The following DNAH14 variants were observed in gnomAD, a reference collection of about 807,000 sequenced individuals.
DNAH14 encodes axonemal beta dynein heavy chain 14.
In DNAH14, 478 loss-of-function variants were observed where a neutral mutation model predicts 520.9. That is an observed-to-expected ratio of 0.92 (90% CI 0.85 to 0.99). The LOEUF (loss-of-function observed/expected upper bound fraction) is 0.99, where lower values mean the gene tolerates loss of function less well. Among genes scored for constraint, DNAH14 ranks in the 50% least tolerant of loss-of-function variants. The probability of loss-of-function intolerance (pLI) is 0.00; values close to 1 mark genes in which losing one functional copy is unlikely to be tolerated. For synonymous variants in DNAH14, 1,581 were observed against 1,757.2 expected (o/e 0.90, Z 2.51); for missense variants, 4,831 against 5,234.5 (o/e 0.92, Z 2.38).
chr1:224,942,333 G>A (rs1280884911), intron 1 of DNAH14, among the ~76,000 whole-genome samples: 1 of 152,176 alleles, frequency 6.6e-6, no homozygotes, highest in Non-Finnish European at 1.5e-5. Flanking sequence ...AAGAATGCTG[G>A]TGATTTTTGT....
rs1202692144 is a variant in DNAH14 at position 225,380,225 on chromosome 1, G to A, written c.12783G>A (p.Leu4261=). Residue 4261 remains leucine, a synonymous_variant, in exon 80 of 86, where the codon CTG becomes CTA. Coordinates refer to ENST00000682510, the MANE Select transcript of DNAH14 (RefSeq NM_001367479.1). ...ILSDLLKRLP[L]TVEKEEIAVG... ...CCGACTTGCTAAAGCGGCTGCCACT[G>A]ACAGTGGAGAAAGAAGAAATTGCTG... is the stretch of plus-strand genomic sequence containing the variant. The A allele has an allele frequency of 3.5e-5, 55 of 1,551,554 alleles. No individual in the cohort carries two copies. The highest frequency in any genetic ancestry group is 4.6e-5 in the Non-Finnish European group (53 of 1,147,000).
At chr1:225,173,180 A>G (rs982382408) in intron 36 of DNAH14, among the ~76,000 whole-genome samples, 3 of 152,222 alleles carry the variant, frequency 2.0e-5, no homozygotes, top group Non-Finnish European at 4.4e-5. Context: ...AGGCAATACC[A>G]TTCAGGACAT....
In DNAH14 at chr1:224,972,470, A is replaced by ATT. The variant is rs879734100; in HGVS notation, c.768-1609_768-1608dup. Among the ~76,000 whole-genome samples the ATT allele has an allele frequency of 4.5e-3, 554 of 123,712 alleles. 8 individuals are homozygous for ATT. The highest frequency in any genetic ancestry group is 0.015 in the African/African-American group (525 of 35,326). 81.2% of individuals were successfully genotyped at this position (123,712 alleles called of 152,430 possible). ...AGATGCCTACCACCGCACCTGGCTA[A>ATT]TTTTTTTTTTTTTGAGATGGAGTCT... On this transcript the variant is annotated intron_variant, in intron 7 of 85. Coordinates refer to ENST00000682510, the MANE Select transcript of DNAH14 (RefSeq NM_001367479.1).
chr1:225,123,272 TA>T (rs1205306530), intron 26 of DNAH14, among the ~76,000 whole-genome samples: 9 of 152,208 alleles, frequency 5.9e-5, no homozygotes, highest in Admixed American at 2.0e-4. Context: ...CATCTCTTTT[TA>T]TATATTTTTA....
intron 39 of DNAH14, 52 bp from the exon 40 acceptor site, chr1:225,205,919 G>T: frequency 7.1e-7 from 1 of 1,406,288 alleles, no homozygotes; most frequent in South Asian, 1.3e-5. Flanking sequence ...AGATTGTAAT[G>T]AAAGATGACG....
chr1:225,253,210 T>G (rs1310421128), intron 44 of DNAH14, among the ~76,000 whole-genome samples: 2 of 152,174 alleles, frequency 1.3e-5, no homozygotes, highest in African/African-American at 4.8e-5. Context: ...TCATATTTGT[T>G]TACAAGCTCC....
chr1:225,332,520 A>G lies in DNAH14; in HGVS notation c.9865-771A>G, dbSNP rs1028985343. 6.7e-4 allele frequency among the ~76,000 whole-genome samples: 102 copies of G among 152,320 alleles called. No homozygotes were observed. In the Middle Eastern group the frequency reaches 0.01, roughly 15 times the overall value. On this transcript the variant is annotated intron_variant, in intron 65 of 85. Transcript: ENST00000682510. ...TCCCAGCTACACCCCTTAGAAGCTT[A>G]GTGATCTTGACCAAGTTGTTTAACT...
chr1:224,941,883 C>T (rs1415010595), intron 1 of DNAH14, among the ~76,000 whole-genome samples: 7 of 152,240 alleles, frequency 4.6e-5, no homozygotes, highest in African/African-American at 1.2e-4. Context: ...TGTTTTGGTA[C>T]CAGTAGCATG....
rs3856155 is a variant in DNAH14, at chr1:225,377,371, C to A, written c.12651C>A (p.Gly4217=). Residue 4217 remains glycine, a synonymous_variant, in exon 79 of 86, where the codon GGC becomes GGA. Coordinates refer to ENST00000682510, the MANE Select transcript of DNAH14 (RefSeq NM_001367479.1). ...TCAGGAGCTGCTGGGAGACCCAGGGCGAAAAGTTTATTGAAAATCTGATTG... is the reference window on the plus strand; with the variant it reads ...TCAGGAGCTGCTGGGAGACCCAGGGAGAAAAGTTTATTGAAAATCTGATTG... The part of the protein sequence containing the change: ...EAIRSCWETQ[G]EKFIENLIAM... 1.9e-6 allele frequency: 3 copies of A among 1,550,644 alleles called. No homozygotes were observed. Among genetic ancestry groups the A allele is most frequent in the African/African-American group, 2.7e-5 (2 of 72,912 alleles).
intron 13 of DNAH14, 54 bp from the exon 14 acceptor site, chr1:225,043,690 A>G: frequency 2.4e-6 from 3 of 1,265,214 alleles, no homozygotes; most frequent in East Asian, 5.1e-5. Context: ...CATTTACCTG[A>G]TATAAATATC....
At chr1:225,241,867 G>T (rs181921001) in intron 43 of DNAH14, among the ~76,000 whole-genome samples, 1 of 152,150 alleles carries the variant, frequency 6.6e-6, no homozygotes, top group Admixed American at 6.5e-5. Context: ...AGACATTACT[G>T]TACATTACTG....
At chr1:225,345,790 T>TAATC (rs1434969860) in intron 69 of DNAH14, among the ~76,000 whole-genome samples, 172 bp from the exon 70 acceptor site, 1 of 152,150 alleles carries the variant, frequency 6.6e-6, no homozygotes, top group African/African-American at 2.4e-5. Flanking sequence ...TCAAATTTAT[T>TAATC]AATCAAATTC....
chr1:225,080,645 A>G lies in DNAH14; in HGVS notation c.3033A>G (p.Arg1011=), dbSNP rs2073012603. The G allele has an allele frequency of 6.4e-7, 1 of 1,551,992 alleles. No homozygotes were observed. Among genetic ancestry groups the G allele is most frequent in the African/African-American group, 1.4e-5 (1 of 73,076 alleles). Residue 1011 remains arginine, a synonymous_variant, in exon 19 of 86, where the codon CGA becomes CGG. Transcript: ENST00000682510. ...KLWEAQEEWK[R]ASWEWRNSSL... is the part of the protein sequence containing the mutation. Reference sequence around the variant, plus strand: ...GGGAAGCACAAGAGGAGTGGAAGCGAGCCTCTTGGGAATGGAGGAATAGTT... The same window carrying G: ...GGGAAGCACAAGAGGAGTGGAAGCGGGCCTCTTGGGAATGGAGGAATAGTT...
chr1:224,949,821 T>G (rs964730702), intron 1 of DNAH14, among the ~76,000 whole-genome samples: 4 of 152,196 alleles, frequency 2.6e-5, no homozygotes, highest in South Asian at 2.1e-4. Flanking sequence ...ATAGCATCTA[T>G]TGACTCTCTA....
rs1268142951 is a variant in DNAH14, at chr1:225,085,764, G to A, written c.3548G>A (p.Gly1183Glu). 7.7e-6 allele frequency: 12 copies of A among 1,550,360 alleles called. No individual in the cohort carries two copies. The highest frequency in any genetic ancestry group is 1.0e-5 in the Non-Finnish European group (12 of 1,146,542). ...ESQVILATIK[G>E]SPHIGPIKDL... The stretch of plus-strand genomic sequence containing the variant: ...CAAGTCATACTTGCAACAATTAAAG[G>A]ATCTCCCCACATTGGGCCCATTAAG... The change falls in exon 21 of 86, where the codon GGA becomes GAA. Residue 1183 changes from glycine to glutamate, a missense_variant. Gly to Glu is a moderately conservative substitution (Grantham distance 98). Transcript: ENST00000682510.
intron 66 of DNAH14, among the ~76,000 whole-genome samples, chr1:225,336,079 ATATACATATATGCT>A (rs1478031608): frequency 1.4e-5 from 2 of 144,910 alleles, no homozygotes; most frequent in African/African-American, 5.3e-5. Flanking sequence ...ACATACTTAT[ATATACATATATGCT>A]TATACATATA....
At chr1:225,143,564 GCAAA>G (rs1276157691) in intron 28 of DNAH14, among the ~76,000 whole-genome samples, 1 of 152,044 alleles carries the variant, frequency 6.6e-6, no homozygotes, top group Non-Finnish European at 1.5e-5. Flanking sequence ...GTGAATAAAG[GCAAA>G]CAAAGGCAAA....
At chr1:225,322,238 C>T (rs527599711) in intron 61 of DNAH14, among the ~76,000 whole-genome samples, 10 of 151,550 alleles carry the variant, frequency 6.6e-5, no homozygotes, top group African/African-American at 1.5e-4. Flanking sequence ...TACAGGCACC[C>T]GCCACCATAC....
chr1:224,973,844 T>C (rs1232534960), intron 7 of DNAH14, among the ~76,000 whole-genome samples: 1 of 152,198 alleles, frequency 6.6e-6, no homozygotes, highest in African/African-American at 2.4e-5. Context: ...TTTATTGGAA[T>C]GTTGCAGCTA....
Sources: gnomAD v4.1 joint callset for allele counts (sites outside exome capture counted in the v4.1 genomes callset) on GRCh38, gnomAD v4.1.1 for gene constraint, MANE v1.5 for transcripts, NCBI Gene and HGNC (gene_info 2026-07-23, HGNC 2026-07-21) for gene names.